C2CD3: variants seen among roughly 807,000 people sequenced by gnomAD.
C2CD3 encodes C2 domain-containing protein 3.
A neutral mutation model predicts 234.0 loss-of-function variants in C2CD3; 148 were observed. The observed-to-expected ratio is 0.63, with a 90% confidence interval of 0.55 to 0.72. C2CD3 has a LOEUF of 0.72. Ranked by LOEUF, C2CD3 falls within the 30% of genes least tolerant of loss-of-function variation. C2CD3 has a pLI of 0.00. For synonymous variants in C2CD3, 1,000 were observed against 1,035.4 expected, an observed-to-expected ratio of 0.97 and a Z score of 0.66; for missense variants, 2,577 against 2,811.5, an observed-to-expected ratio of 0.92 and a Z score of 1.89.
intron 23 of C2CD3, among the ~76,000 whole-genome samples, chr11:74,077,078 T>G (rs1027168762): frequency 6.6e-6 from 1 of 152,118 alleles, no homozygotes; most frequent in Non-Finnish European, 1.5e-5. Context: ...ACCTGCAAAA[T>G]GTTACCCTTT....
At chr11:74,020,856 A>C (rs1322844087) in intron 32 of C2CD3, among the ~76,000 whole-genome samples, 1 of 152,222 alleles carries the variant, frequency 6.6e-6, no homozygotes, top group Non-Finnish European at 1.5e-5. Context: ...CTGAGCAGAG[A>C]AGTCACATGA....
chr11:74,019,747 A>C (rs1162722488), intron 32 of C2CD3, among the ~76,000 whole-genome samples: 1 of 151,504 alleles, frequency 6.6e-6, no homozygotes, highest in Non-Finnish European at 1.5e-5. Context: ...CACCATCTTG[A>C]CTCACTGCAA....
intron 32 of C2CD3, among the ~76,000 whole-genome samples, chr11:74,021,806 T>C (rs537830020): frequency 2.6e-5 from 4 of 152,170 alleles, no homozygotes; most frequent in Admixed American, 1.3e-4. Flanking sequence ...GGTGGAAAAG[T>C]GCAAGTATAA....
At chr11:74,058,362 T>G (rs1416216377) in intron 24 of C2CD3, among the ~76,000 whole-genome samples, 1 of 152,204 alleles carries the variant, frequency 6.6e-6, no homozygotes, top group Non-Finnish European at 1.5e-5. Flanking sequence ...GTACTTTATA[T>G]ATATTAACTC....
intron 7 of C2CD3, among the ~76,000 whole-genome samples, chr11:74,124,584 T>C (rs2135525808): frequency 6.6e-6 from 1 of 152,004 alleles, no homozygotes; most frequent in East Asian, 1.9e-4. Flanking sequence ...AATCACCCCC[T>C]CCTTGAAAAC....
Position 74,103,472 on chromosome 11 carries a change from G to C in C2CD3, c.2239C>G (p.Gln747Glu). ...NQDMTCTKNP[Q>E]NLNQIHEETA... ...TCCTCATGAATTTGGTTTAAGTTTT[G>C]TGGATTTTTGGTACAGGTCATATCT... Residue 747 changes from glutamine (Q) to glutamate (E), a missense_variant, in exon 14 of 33, where the codon CAA becomes GAA. Gln to Glu is a conservative substitution (Grantham distance 29, BLOSUM62 2). Coordinates refer to ENST00000334126, the MANE Select transcript of C2CD3 (RefSeq NM_001286577.2). 1 of 1,614,200 alleles carries C rather than the reference G, an allele frequency of 6.2e-7. No individual in the cohort carries two copies. The highest frequency in any genetic ancestry group is 8.5e-7 in the Non-Finnish European group (1 of 1,180,030).
intron 24 of C2CD3, among the ~76,000 whole-genome samples, chr11:74,061,114 T>C (rs1240825724): frequency 1.3e-5 from 2 of 152,082 alleles, no homozygotes; most frequent in East Asian, 3.8e-4. Flanking sequence ...CTCCAAGAAA[T>C]ATGGGACTAT....
rs75778640 is a variant in C2CD3 at position 74,018,290 on chromosome 11, C to T, written c.6922-4765G>A. ...AGCCTTGCTGTTCTCAGACCCCATC[C>T]CTGGCAAAGGGTCAGGCCCCAAAAG... is the stretch of plus-strand genomic sequence containing the variant. On this transcript the variant is annotated intron_variant, in intron 32 of 32. Coordinates refer to ENST00000334126, the MANE Select transcript of C2CD3 (RefSeq NM_001286577.2). Among the ~76,000 whole-genome samples the T allele has an allele frequency of 8.8e-3, 1,334 of 152,252 alleles. 24 individuals are homozygous for T. Among genetic ancestry groups the T allele is most frequent in the African/African-American group, 0.031 (1,271 of 41,542 alleles).
chr11:74,122,214 C>T (rs947288977), intron 8 of C2CD3, among the ~76,000 whole-genome samples: 3 of 152,182 alleles, frequency 2.0e-5, no homozygotes, highest in Non-Finnish European at 2.9e-5. Context: ...CATTTTGTAT[C>T]TTTTCTCTGC....
intron 29 of C2CD3, among the ~76,000 whole-genome samples, chr11:74,041,119 A>G (rs1001427892): frequency 1.1e-4 from 16 of 152,090 alleles, no homozygotes; most frequent in African/African-American, 3.1e-4. Context: ...GTGGTTACAT[A>G]ATGTTGATAC....
At chr11:74,162,887 C>T (rs969848988) in intron 2 of C2CD3, among the ~76,000 whole-genome samples, 14 of 152,182 alleles carry the variant, frequency 9.2e-5, no homozygotes, top group Non-Finnish European at 1.6e-4. Context: ...CCCTGCCTCC[C>T]AGGAGTATCT....
chr11:74,023,933 G>T (rs1219755879), intron 32 of C2CD3, among the ~76,000 whole-genome samples: 1 of 152,096 alleles, frequency 6.6e-6, no homozygotes, highest in African/African-American at 2.4e-5. Context: ...GAATACCAAT[G>T]AATCTATGTA....
chr11:74,093,875 A>C lies in C2CD3; in HGVS notation c.3285T>G (p.Ser1095Arg), dbSNP rs1352543099. The change falls in exon 18 of 33, where the codon AGT (serine) becomes AGG (arginine). Residue 1095 changes from serine to arginine, a missense_variant. Ser to Arg is a moderately radical substitution (Grantham distance 110). Coordinates refer to ENST00000334126, the MANE Select transcript of C2CD3 (RefSeq NM_001286577.2). Reference protein sequence around the residue: ...AEVPVQRLLLSAFSAQGLVPG... With the variant: ...AEVPVQRLLLRAFSAQGLVPG... Reference sequence around the variant, plus strand: ...GCACGAGGCCCTGTGCAGAGAAAGCACTTAGTAGGAGCCTTTGCACTGGAA... The same window carrying C: ...GCACGAGGCCCTGTGCAGAGAAAGCCCTTAGTAGGAGCCTTTGCACTGGAA... 5.0e-6 allele frequency: 8 copies of C among 1,613,964 alleles called. No individual in the cohort carries two copies. Among genetic ancestry groups the C allele is most frequent in the Non-Finnish European group, 6.8e-6 (8 of 1,179,978 alleles).
chr11:74,107,788 C>A (rs1956581074), intron 12 of C2CD3: 1 of 152,020 alleles, frequency 6.6e-6, no homozygotes, highest in African/African-American at 2.4e-5. Context: ...GAATTACAGG[C>A]AATTTTTGCC....
chr11:74,083,189 G>A (rs1399109428), intron 22 of C2CD3, among the ~76,000 whole-genome samples: 4 of 152,098 alleles, frequency 2.6e-5, no homozygotes, highest in African/African-American at 9.7e-5. Context: ...CAAGAAATGG[G>A]GAAAGGATTC....
chr11:74,030,610 T>C (rs1261243507), intron 31 of C2CD3, among the ~76,000 whole-genome samples: 1 of 152,206 alleles, frequency 6.6e-6, no homozygotes, highest in East Asian at 1.9e-4. Context: ...TGCCCTGTCC[T>C]GCTTCTCTTT....
chr11:74,068,075 A>G (rs1954626117), intron 24 of C2CD3, among the ~76,000 whole-genome samples: 1 of 152,256 alleles, frequency 6.6e-6, no homozygotes, highest in Non-Finnish European at 1.5e-5. Context: ...TCTGAACTTA[A>G]AAGATTTAGT....
intron 15 of C2CD3, among the ~76,000 whole-genome samples, chr11:74,099,979 C>A (rs1471152096): frequency 6.6e-6 from 1 of 151,994 alleles, no homozygotes; most frequent in Non-Finnish European, 1.5e-5. Flanking sequence ...CAATACCCCA[C>A]CTACGTGTTA....
In C2CD3 at chr11:74,138,816, A is replaced by C. The variant is rs1333502719; in HGVS notation, c.859T>G (p.Ser287Ala). The C allele has an allele frequency of 6.2e-7, 1 of 1,613,952 alleles. No homozygotes were observed. The highest frequency in any genetic ancestry group is 1.7e-5 in the Admixed American group (1 of 60,010). ...GTTCTAATTTGAGGCTGGAATTCAG[A>C]ACTGTTCAGAAGGGACATCTGCTTC... ...PRKQMSLLNS[S>A]EFQPQIRTVA... Residue 287 changes from serine to alanine, a missense_variant, in exon 5 of 33, where the codon TCT (serine) becomes GCT (alanine). By Grantham distance (99) the Ser-to-Ala change is moderately conservative (BLOSUM62 1). Coordinates refer to ENST00000334126, the MANE Select transcript of C2CD3 (RefSeq NM_001286577.2).
Sources: allele counts gnomAD v4.1 joint callset (sites outside exome capture counted in the v4.1 genomes callset), GRCh38; gene constraint gnomAD v4.1.1; transcripts MANE v1.5; gene names NCBI Gene and HGNC (gene_info 2026-07-23, HGNC 2026-07-21).